PAX3: variants seen among roughly 807,000 people sequenced by gnomAD.
PAX3 encodes the protein paired box 3, also known as paired box protein Pax-3.
A neutral mutation model predicts 51.6 loss-of-function variants in PAX3; 14 were observed. The ratio of observed to expected loss-of-function variants is 0.27; its 90% CI spans 0.18 to 0.42. The LOEUF (loss-of-function observed/expected upper bound fraction) is 0.42. Among genes scored for constraint, PAX3 ranks in the 10% least tolerant of loss-of-function variants. The probability of loss-of-function intolerance (pLI) is 1.00; values close to 1 mark genes in which losing one functional copy is unlikely to be tolerated. For synonymous variants in PAX3, 280 were observed against 253.4 expected (o/e 1.11, Z -1.00); for missense variants, 540 against 642.8 (o/e 0.84, Z 1.73).
intron 4 of PAX3, among the ~76,000 whole-genome samples, chr2:222,284,677 G>A (rs1422888016): frequency 6.6e-6 from 1 of 152,008 alleles, no homozygotes; most frequent in Non-Finnish European, 1.5e-5. Context: ...CCCTGAATTA[G>A]GCTTTATCTG....
At chr2:222,293,766 A>G in intron 4 of PAX3, 1 of 1,614,208 alleles carries the variant, frequency 6.2e-7, no homozygotes, top group Non-Finnish European at 8.5e-7. Flanking sequence ...TCCTGAGGGC[A>G]TAAAAGCTAC....
At chr2:222,208,944 C>G (rs1469797302) in intron 7 of PAX3, among the ~76,000 whole-genome samples, 1 of 152,134 alleles carries the variant, frequency 6.6e-6, no homozygotes, top group Non-Finnish European at 1.5e-5. Context: ...ACCCTAATAA[C>G]CATTCATAAA....
At chr2:222,292,495 G>T (rs945654430) in intron 4 of PAX3, among the ~76,000 whole-genome samples, 1 of 152,208 alleles carries the variant, frequency 6.6e-6, no homozygotes, top group Non-Finnish European at 1.5e-5. Flanking sequence ...GGGACGTTTT[G>T]TCTCCTGGGC....
At chr2:222,206,751 T>A (rs1313940335) in intron 7 of PAX3, among the ~76,000 whole-genome samples, 2 of 152,178 alleles carry the variant, frequency 1.3e-5, no homozygotes, top group Admixed American at 6.5e-5. Flanking sequence ...TGGGCCAAAT[T>A]AAGATTTACC....
chr2:222,290,532 C>T lies in PAX3; in HGVS notation c.586+3635G>A, dbSNP rs528407750. 7.2e-5 allele frequency among the ~76,000 whole-genome samples: 11 copies of T among 152,280 alleles called. No homozygotes were observed. The South Asian group carries it at 2.1e-3, about 29-fold the overall frequency. On this transcript the variant is annotated intron_variant, in intron 4 of 8. Coordinates refer to ENST00000392070, the MANE Select transcript of PAX3 (RefSeq NM_181458.4). ...AGGAAAGTCTTATGAGAGTGTATCG[C>T]CAGTCCCCAATCAAAACATCAATTT...
At chr2:222,213,877 C>CA (rs1691847996) in intron 7 of PAX3, among the ~76,000 whole-genome samples, 2 of 152,094 alleles carry the variant, frequency 1.3e-5, no homozygotes, top group Non-Finnish European at 1.5e-5. Context: ...AAAAACGTCC[C>CA]AAAAAATTAG....
chr2:222,298,559 G>T lies in PAX3; in HGVS notation c.57C>A (p.Asn19Lys). ...CCAGCGGGAACCCGCTACGCGGGTAGTTCTGCCCCGGGCCCGGCCGCATCA... is the reference window on the plus strand; with the variant it reads ...CCAGCGGGAACCCGCTACGCGGGTATTTCTGCCCCGGGCCCGGCCGCATCA... ...PRMMRPGPGQ[N>K]YPRSGFPLEV... Residue 19 changes from asparagine (N) to lysine (K), a missense_variant, in exon 1 of 9, where the codon AAC becomes AAA. Physicochemically the swap from Asn to Lys is moderately conservative, Grantham distance 94. Coordinates refer to ENST00000392070, the MANE Select transcript of PAX3 (RefSeq NM_181458.4). The T allele has an allele frequency of 6.2e-7, 1 of 1,607,594 alleles. No individual in the cohort carries two copies. Among genetic ancestry groups the T allele is most frequent in the Non-Finnish European group, 8.5e-7 (1 of 1,177,504 alleles).
chr2:222,263,731 G>C (rs1010644534), intron 4 of PAX3: 2 of 152,126 alleles, frequency 1.3e-5, no homozygotes, highest in Non-Finnish European at 2.9e-5. Flanking sequence ...CCCTCAACTG[G>C]TTGTTTTTCC....
intron 7 of PAX3, among the ~76,000 whole-genome samples, chr2:222,219,801 A>G (rs1024488878): frequency 6.6e-6 from 1 of 152,182 alleles, no homozygotes; most frequent in Non-Finnish European, 1.5e-5. Flanking sequence ...AAACAAAAAA[A>G]CAAAACAAAA....
At chr2:222,221,766 C>T (rs371440259) in intron 5 of PAX3, 29 of 257,204 alleles carry the variant, frequency 1.1e-4, no homozygotes, top group South Asian at 7.6e-4. Flanking sequence ...CCCTGCATGA[C>T]GCATGTCCTA....
intron 4 of PAX3, among the ~76,000 whole-genome samples, chr2:222,256,869 GACA>G (rs1693666114): frequency 6.6e-6 from 1 of 152,190 alleles, no homozygotes; most frequent in African/African-American, 2.4e-5. Context: ...CCTCTAAAAA[GACA>G]GATAGGGCCA....
intron 7 of PAX3, among the ~76,000 whole-genome samples, chr2:222,202,481 C>T (rs1691336921): frequency 6.6e-6 from 1 of 151,626 alleles, no homozygotes; most frequent in Non-Finnish European, 1.5e-5. Flanking sequence ...ACACCACGTC[C>T]CTAGTGATAA....
At position 222,297,010 on chromosome 2, in the gene PAX3, G is replaced by T. The variant is rs758012824; in HGVS notation, c.289C>A (p.Arg97Ser). Residue 97 changes from arginine (R) to serine (S), a missense_variant, in exon 2 of 9, where the codon CGT becomes AGT. Arg to Ser is a moderately radical substitution (Grantham distance 110). This residue lies in a region of PAX3 where 50 missense variants were observed against 109.3 expected (regional missense o/e 0.46). Transcript: ENST00000392070. ...LCRYQETGSI[R>S]PGAIGGSKPK... ...TTGCTGCCGCCGATGGCACCAGGAC[G>T]TATGGAGCCAGTCTCCTGGTACCTG... The T allele has an allele frequency of 1.2e-6, 2 of 1,613,874 alleles. No individual in the cohort carries two copies.
At chr2:222,241,535 C>T (rs1488687694) in intron 4 of PAX3, among the ~76,000 whole-genome samples, 1 of 152,176 alleles carries the variant, frequency 6.6e-6, no homozygotes, top group Non-Finnish European at 1.5e-5. Context: ...GCTTATGGCC[C>T]ATCTGTGCTT....
intron 4 of PAX3, chr2:222,242,756 G>T (rs1462606532): frequency 6.6e-6 from 1 of 152,098 alleles, no homozygotes; most frequent in African/African-American, 2.4e-5. Context: ...TGGTGTAGGT[G>T]GAAATTATGT....
chr2:222,265,701 T>C (rs1694033973), intron 4 of PAX3, among the ~76,000 whole-genome samples: 1 of 61,176 alleles, frequency 1.6e-5, no homozygotes. Context: ...GGAGAAAGAT[T>C]GATTTTGATT....
intron 4 of PAX3, among the ~76,000 whole-genome samples, chr2:222,243,794 C>G (rs1039663047): frequency 4.6e-5 from 7 of 152,120 alleles, no homozygotes; most frequent in Middle Eastern, 6.3e-3. Context: ...CAAATCTTAT[C>G]TGGGTCAATT....
At chr2:222,287,957 T>C (rs938813868) in intron 4 of PAX3, among the ~76,000 whole-genome samples, 6 of 152,216 alleles carry the variant, frequency 3.9e-5, no homozygotes, top group Non-Finnish European at 7.3e-5. Flanking sequence ...AGATCCATGA[T>C]GCACAGTTAC....
Position 222,279,095 on chromosome 2 carries a change from C to T in PAX3, c.586+15072G>A, listed in dbSNP as rs533185225. Reference sequence around the variant, plus strand: ...CTTCCCAAGTAGCTGGGACTACAGGCACCTGCCACCAAGCCTGGCTAATTT... The same window carrying T: ...CTTCCCAAGTAGCTGGGACTACAGGTACCTGCCACCAAGCCTGGCTAATTT... On this transcript the variant is annotated intron_variant, in intron 4 of 8. Coordinates refer to ENST00000392070, the MANE Select transcript of PAX3 (RefSeq NM_181458.4). Among the ~76,000 whole-genome samples, 168 of 152,274 alleles carry T rather than the reference C, an allele frequency of 1.1e-3. 3 individuals are homozygous for T. The Middle Eastern group carries it at 0.014, about 12-fold the overall frequency.
Sources: allele counts gnomAD v4.1 joint callset (sites outside exome capture counted in the v4.1 genomes callset), GRCh38; gene constraint gnomAD v4.1.1; regional missense constraint gnomAD v4.1.1; transcripts MANE v1.5; gene names NCBI Gene and HGNC (gene_info 2026-07-23, HGNC 2026-07-21).